ASCC3: variants seen among roughly 807,000 people sequenced by gnomAD.
ASCC3 encodes the protein activating signal cointegrator 1 complex subunit 3, also known as ASC-1 complex subunit P200.
ASCC3 carries 158 observed loss-of-function variants against 256.3 expected under a neutral mutation model. The observed-to-expected ratio is 0.62, with a 90% CI of 0.54 to 0.70. The LOEUF (loss-of-function observed/expected upper bound fraction) is 0.70, where lower values mean the gene tolerates loss of function less well. ASCC3 is among the 30% of genes least tolerant of loss of function. The pLI, the probability that ASCC3 is intolerant of heterozygous loss-of-function variation, is 0.00. For synonymous variants in ASCC3, 948 were observed against 883.4 expected, an observed-to-expected ratio of 1.07 and a Z score of -1.30; for missense variants, 2,259 against 2,626.0, an observed-to-expected ratio of 0.86 and a Z score of 3.05.
intron 13 of ASCC3, among the ~76,000 whole-genome samples, chr6:100,714,381 C>G (rs1049603309): frequency 6.6e-6 from 1 of 151,772 alleles, no homozygotes; most frequent in Admixed American, 6.6e-5. Flanking sequence ...TTATGAGGGT[C>G]AAAGGAGAAC....
At chr6:100,789,969 C>T (rs1412726540) in intron 8 of ASCC3, among the ~76,000 whole-genome samples, 1 of 151,900 alleles carries the variant, frequency 6.6e-6, no homozygotes, top group African/African-American at 2.4e-5. Flanking sequence ...TTGATATTTG[C>T]ACCACTGGAT....
chr6:100,540,463 T>A, intron 36 of ASCC3, 76 bp from the exon 37 acceptor site: 1 of 1,261,562 alleles, frequency 7.9e-7, no homozygotes. Flanking sequence ...TACTGACATT[T>A]AAAACATGGC....
intron 36 of ASCC3, among the ~76,000 whole-genome samples, chr6:100,547,406 A>G (rs1275690518): frequency 1.3e-5 from 2 of 152,014 alleles, no homozygotes; most frequent in African/African-American, 4.8e-5. Flanking sequence ...ATATTGTTAA[A>G]ATACTAAAAA....
intron 34 of ASCC3, among the ~76,000 whole-genome samples, chr6:100,599,625 A>C (rs1017702143): frequency 2.0e-5 from 3 of 151,650 alleles, no homozygotes; most frequent in African/African-American, 7.3e-5. Context: ...GCTGCTTTGT[A>C]CTATTTTTTT....
chr6:100,846,200 C>T, intron 4 of ASCC3, among the ~76,000 whole-genome samples: 1 of 152,110 alleles, frequency 6.6e-6, no homozygotes, highest in East Asian at 1.9e-4. Flanking sequence ...CGCAGTGAAA[C>T]AACTGTAGGG....
At chr6:100,825,187 T>TGGGC (rs1771236887) in intron 4 of ASCC3, among the ~76,000 whole-genome samples, 1 of 152,136 alleles carries the variant, frequency 6.6e-6, no homozygotes, top group African/African-American at 2.4e-5. Context: ...CCGTGGCCTG[T>TGGGC]GGGCCGCATG....
chr6:100,574,680 GT>G (rs1770767066), intron 36 of ASCC3, among the ~76,000 whole-genome samples: 1 of 148,634 alleles, frequency 6.7e-6, no homozygotes, highest in Non-Finnish European at 1.5e-5. Flanking sequence ...GAAATGAAAA[GT>G]AATTAAGAAA....
chr6:100,622,699 A>G (rs1774019692), intron 30 of ASCC3, among the ~76,000 whole-genome samples: 1 of 151,784 alleles, frequency 6.6e-6, no homozygotes. Context: ...AATTTATAAT[A>G]AAATAAATAT....
chr6:100,780,882 T>C (rs1782411794), intron 8 of ASCC3, among the ~76,000 whole-genome samples: 1 of 152,230 alleles, frequency 6.6e-6, no homozygotes, highest in Admixed American at 6.5e-5. Context: ...TAAGCCTCAT[T>C]ACTCATCTTT....
intron 4 of ASCC3, among the ~76,000 whole-genome samples, chr6:100,825,237 G>A (rs1193146576): frequency 1.3e-5 from 2 of 149,840 alleles, no homozygotes; most frequent in Admixed American, 1.3e-4. Flanking sequence ...ACACAAATTA[G>A]TAAACTTTCT....
intron 8 of ASCC3, 140 bp downstream of exon 8, chr6:100,798,573 T>C: frequency 7.9e-7 from 1 of 1,258,110 alleles, no homozygotes; most frequent in Non-Finnish European, 1.1e-6. Flanking sequence ...TCTCCTACTG[T>C]AATTCTCTAG....
In ASCC3 at chr6:100,521,796, C is replaced by A. The variant is rs537440947; in HGVS notation, c.5776-3654G>T. On this transcript the variant is annotated intron_variant, in intron 37 of 41. Coordinates refer to ENST00000369162, the MANE Select transcript of ASCC3 (RefSeq NM_006828.4). ...GGCTAAGGCCAAGGGATGGTCCAGG[C>A]AAATGGATTGGAGAGTCCTGGTAGC... Among the ~76,000 whole-genome samples, 4 of 152,338 alleles carry A rather than the reference C, an allele frequency of 2.6e-5. No homozygotes were observed. In the South Asian group the frequency reaches 6.2e-4, roughly 24 times the overall value.
chr6:100,798,395 A>T (rs1169683333), intron 8 of ASCC3, among the ~76,000 whole-genome samples: 3 of 152,078 alleles, frequency 2.0e-5, no homozygotes, highest in Non-Finnish European at 4.4e-5. Flanking sequence ...TGATCATTTG[A>T]TATAATCAAA....
chr6:100,642,861 T>C, intron 23 of ASCC3, 112 bp from the exon 24 acceptor site: 1 of 1,048,434 alleles, frequency 9.5e-7, no homozygotes, highest in Non-Finnish European at 1.4e-6. Context: ...AGACAAAGTA[T>C]CTTGAATTTG....
intron 2 of ASCC3, among the ~76,000 whole-genome samples, chr6:100,866,635 G>GT (rs1287699720): frequency 6.6e-6 from 1 of 152,116 alleles, no homozygotes; most frequent in Non-Finnish European, 1.5e-5. Context: ...GATGGATCTT[G>GT]TAACAAAATT....
intron 13 of ASCC3, among the ~76,000 whole-genome samples, chr6:100,702,636 C>T (rs1197923205): frequency 1.3e-5 from 2 of 151,906 alleles, no homozygotes; most frequent in African/African-American, 4.8e-5. Context: ...AAGGAAAATG[C>T]TATAAAGAAT....
chr6:100,793,203 T>A (rs1300097962), intron 8 of ASCC3, among the ~76,000 whole-genome samples: 1 of 151,996 alleles, frequency 6.6e-6, no homozygotes, highest in African/African-American at 2.4e-5. Flanking sequence ...AAAAGTCAAA[T>A]AGAGAAGTTA....
intron 34 of ASCC3, among the ~76,000 whole-genome samples, chr6:100,598,226 T>C (rs1772414079): frequency 1.3e-5 from 2 of 152,088 alleles, no homozygotes; most frequent in African/African-American, 4.8e-5. Flanking sequence ...AACCCTCTTT[T>C]TGGGGTAGCA....
At position 100,800,448 on chromosome 6, in the gene ASCC3, T is replaced by C. The variant is rs765718833; in HGVS notation, c.979A>G (p.Thr327Ala). Residue 327 changes from threonine (T) to alanine (A), a missense_variant, in exon 6 of 42, where the codon ACT becomes GCT. By Grantham distance (58) the Thr-to-Ala change is moderately conservative. This residue lies in a region of ASCC3 where 420 missense variants were observed against 419.3 expected (regional missense o/e 1.00). Coordinates refer to ENST00000369162, the MANE Select transcript of ASCC3 (RefSeq NM_006828.4). ...NAKPNYGCQV[T>A]IQSEQEKQLM... is the part of the protein sequence containing the mutation. ...TGCTTTTCTTGTTCAGACTGAATAG[T>C]GACTTGACAACCATAATTGGGTTTA... is the stretch of plus-strand genomic sequence containing the variant. 1 of 1,612,532 alleles carries C rather than the reference T, an allele frequency of 6.2e-7. No homozygotes were observed. Among genetic ancestry groups the C allele is most frequent in the South Asian group, 1.1e-5 (1 of 91,054 alleles).
Sources: allele counts gnomAD v4.1 joint callset (sites outside exome capture counted in the v4.1 genomes callset), GRCh38; gene constraint gnomAD v4.1.1; regional missense constraint gnomAD v4.1.1; transcripts MANE v1.5; gene names NCBI Gene and HGNC (gene_info 2026-07-23, HGNC 2026-07-21).